Variants in EYS observed in about 807,000 individuals in gnomAD.
The protein encoded by EYS is EGF-like photoreceptor maintenance factor, also known as protein eyes shut homolog.
A neutral mutation model predicts 282.1 loss-of-function variants in EYS; 250 were observed. The observed-to-expected ratio is 0.89, with a 90% CI of 0.80 to 0.98. The LOEUF (loss-of-function observed/expected upper bound fraction) is 0.98. EYS is among the 50% of genes least tolerant of loss of function. The pLI is 0.00. For missense variants in EYS, 4,016 were observed against 3,709.0 expected, an observed-to-expected ratio of 1.08 and a Z score of -2.15; for synonymous variants, 1,355 against 1,282.9, an observed-to-expected ratio of 1.06 and a Z score of -1.20.
chr6:65,129,403 T>C (rs998438621), intron 12 of EYS, among the ~76,000 whole-genome samples: 1 of 151,660 alleles, frequency 6.6e-6, no homozygotes, highest in Non-Finnish European at 1.5e-5. Context: ...ATGGGGAAAA[T>C]ATTTGCAAAC....
intron 15 of EYS, among the ~76,000 whole-genome samples, chr6:64,941,897 G>A (rs1769103080): frequency 6.6e-6 from 1 of 152,000 alleles, no homozygotes; most frequent in Admixed American, 6.6e-5. Context: ...TCTTTGCTAT[G>A]GTGAGTAGCG....
In EYS at chr6:65,625,825, G is replaced by T. The variant is rs1425853400; in HGVS notation, c.-333+13953C>A. On this transcript the variant is annotated intron_variant, in intron 2 of 42. Transcript: ENST00000503581. Reference sequence around the variant, plus strand: ...AAGCAAGGCAAATTTCTCAAGAAAAGGTTCTTAATGTAGTCCCTGAAGTTA... The same window carrying T: ...AAGCAAGGCAAATTTCTCAAGAAAATGTTCTTAATGTAGTCCCTGAAGTTA... 2.0e-5 allele frequency among the ~76,000 whole-genome samples: 3 copies of T among 152,120 alleles called. No homozygotes were observed. The East Asian group carries it at 5.8e-4, about 29-fold the overall frequency.
intron 12 of EYS, among the ~76,000 whole-genome samples, chr6:65,273,361 G>T (rs140781436): frequency 6.6e-6 from 1 of 152,188 alleles, no homozygotes; most frequent in East Asian, 1.9e-4. Flanking sequence ...CTGCATTAAG[G>T]GAAGGGAAAC....
chr6:64,803,128 G>A (rs935635893), intron 22 of EYS, among the ~76,000 whole-genome samples: 2 of 152,222 alleles, frequency 1.3e-5, no homozygotes, highest in African/African-American at 4.8e-5. Context: ...GAGCTTCATT[G>A]ATCAGCAGAA....
intron 35 of EYS, among the ~76,000 whole-genome samples, chr6:63,930,360 T>C (rs1203727432): frequency 1.3e-5 from 2 of 151,312 alleles, no homozygotes; most frequent in African/African-American, 4.9e-5. Context: ...GATTCAGTTT[T>C]ATGTGTTTTA....
intron 13 of EYS, among the ~76,000 whole-genome samples, chr6:65,014,659 G>T (rs930125467): frequency 6.6e-6 from 1 of 152,034 alleles, no homozygotes; most frequent in Non-Finnish European, 1.5e-5. Flanking sequence ...AGAAGGAGAT[G>T]CATTACCACA....
chr6:65,179,279 G>T (rs1459645921), intron 12 of EYS, among the ~76,000 whole-genome samples: 1 of 151,882 alleles, frequency 6.6e-6, no homozygotes, highest in African/African-American at 2.4e-5. Flanking sequence ...TCCAGGAGCT[G>T]GTTTTTTGAA....
chr6:64,635,904 G>T (rs1444698441), intron 22 of EYS, among the ~76,000 whole-genome samples: 1 of 152,154 alleles, frequency 6.6e-6, no homozygotes, highest in Non-Finnish European at 1.5e-5. Flanking sequence ...AATGGTACCA[G>T]CTCCTCCTTG....
intron 30 of EYS, among the ~76,000 whole-genome samples, chr6:64,304,065 A>C (rs1447918909): frequency 6.6e-6 from 1 of 152,098 alleles, no homozygotes; most frequent in Non-Finnish European, 1.5e-5. Context: ...ATTACCCTCT[A>C]GTGGTGTTTA....
chr6:65,379,624 A>T (rs1390685476), intron 8 of EYS, among the ~76,000 whole-genome samples: 1 of 152,052 alleles, frequency 6.6e-6, no homozygotes, highest in Non-Finnish European at 1.5e-5. Flanking sequence ...TAGAGCAATC[A>T]AGCAAGAGAA....
chr6:64,864,851 C>T lies in EYS; in HGVS notation c.2992+21846G>A, dbSNP rs543425947. Reference sequence around the variant, plus strand: ...AGGAGTTTGAGACCAGCCTGGCCAACATGGTGAAACCCCGTCTCTACTAAA... The same window carrying T: ...AGGAGTTTGAGACCAGCCTGGCCAATATGGTGAAACCCCGTCTCTACTAAA... On this transcript the variant is annotated intron_variant, in intron 19 of 42. Coordinates refer to ENST00000503581, the MANE Select transcript of EYS (RefSeq NM_001142800.2). 1.3e-4 allele frequency among the ~76,000 whole-genome samples: 19 copies of T among 151,826 alleles called. No homozygotes were observed. The South Asian group carries it at 4.0e-3, about 32-fold the overall frequency.
At chr6:65,212,738 T>C (rs535750914) in intron 12 of EYS, among the ~76,000 whole-genome samples, 2 of 152,220 alleles carry the variant, frequency 1.3e-5, no homozygotes, top group East Asian at 3.9e-4. Flanking sequence ...TGAAAATTTA[T>C]GTATAAGAAG....
intron 31 of EYS, among the ~76,000 whole-genome samples, chr6:64,195,708 T>C (rs1582411202): frequency 6.6e-6 from 1 of 152,336 alleles, no homozygotes; most frequent in East Asian, 1.9e-4. Context: ...TAAATTTTTA[T>C]CCAGAATACC....
chr6:63,817,888 C>A (rs1014049662), intron 36 of EYS, among the ~76,000 whole-genome samples: 2 of 152,172 alleles, frequency 1.3e-5, no homozygotes, highest in African/African-American at 4.8e-5. Flanking sequence ...CGGTCAGGAG[C>A]TTCACGAGGC....
chr6:64,998,162 G>A (rs953951813), intron 13 of EYS, among the ~76,000 whole-genome samples: 5 of 152,146 alleles, frequency 3.3e-5, no homozygotes, highest in African/African-American at 7.2e-5. Context: ...TCTCAAAGTT[G>A]ATAATGAGCT....
chr6:63,751,348 A>G (rs1409629107), intron 41 of EYS, among the ~76,000 whole-genome samples: 1 of 152,236 alleles, frequency 6.6e-6, no homozygotes, highest in Non-Finnish European at 1.5e-5. Context: ...CAGCTCTTCT[A>G]CTGTACCATA....
intron 36 of EYS, among the ~76,000 whole-genome samples, chr6:63,815,155 T>TA (rs1562039724): frequency 6.6e-6 from 1 of 152,222 alleles, no homozygotes; most frequent in Non-Finnish European, 1.5e-5. Flanking sequence ...TTGTATATTC[T>TA]AAAATATTAA....
chr6:63,942,388 C>T (rs192929106), intron 35 of EYS, among the ~76,000 whole-genome samples: 2 of 152,226 alleles, frequency 1.3e-5, no homozygotes, highest in African/African-American at 4.8e-5. Flanking sequence ...AAAAAGGCAG[C>T]AGGAGAAGGT....
chr6:64,891,040 C>A (rs769575176), intron 18 of EYS, among the ~76,000 whole-genome samples: 4 of 151,956 alleles, frequency 2.6e-5, no homozygotes, highest in Non-Finnish European at 5.9e-5. Flanking sequence ...ATCTGTTAAA[C>A]CACAGATGCC....
Sources: gnomAD v4.1 joint callset for allele counts (sites outside exome capture counted in the v4.1 genomes callset) on GRCh38, gnomAD v4.1.1 for gene constraint, MANE v1.5 for transcripts, NCBI Gene and HGNC (gene_info 2026-07-23, HGNC 2026-07-21) for gene names.